The following ZNF407 variants were observed in gnomAD, a reference collection of about 807,000 sequenced individuals.
ZNF407 encodes zinc finger protein 407.
Under a neutral mutation model 131.2 loss-of-function variants are expected in ZNF407, and 17 were observed. The observed-to-expected ratio is 0.13, with a 90% CI of 0.09 to 0.19. ZNF407 has a LOEUF of 0.19. ZNF407 is among the 10% of genes least tolerant of loss of function. The pLI is 1.00. For missense variants in ZNF407, 2,681 were observed against 2,830.6 expected (o/e 0.95, Z 1.20); for synonymous variants, 1,156 against 1,062.0 (o/e 1.09, Z -1.72).
intron 8 of ZNF407, among the ~76,000 whole-genome samples, chr18:75,057,770 G>A (rs1973577423): frequency 6.6e-6 from 1 of 152,168 alleles, no homozygotes; most frequent in South Asian, 2.1e-4. Flanking sequence ...GGTACTAAAA[G>A]TGCCATTCGT....
At chr18:75,026,113 G>A (rs927149212) in intron 8 of ZNF407, among the ~76,000 whole-genome samples, 6 of 149,550 alleles carry the variant, frequency 4.0e-5, no homozygotes, top group East Asian at 2.0e-4. Flanking sequence ...CAGAAAATGC[G>A]ACAATATTCT....
chr18:75,061,811 C>G (rs886855612), intron 8 of ZNF407: 57 of 152,780 alleles, frequency 3.7e-4, no homozygotes, highest in Middle Eastern at 3.1e-3. Flanking sequence ...GTCCTGCTCA[C>G]CCCCTCTTTT....
chr18:74,940,583 A>G (rs17055985), intron 8 of ZNF407, among the ~76,000 whole-genome samples: 4,807 of 152,232 alleles, frequency 0.032, 266 homozygotes, highest in African/African-American at 0.11. Context: ...AAACCAGTGA[A>G]GGTTGTAGCA....
chr18:74,871,198 T>C (rs1324284247), intron 4 of ZNF407, among the ~76,000 whole-genome samples: 1 of 152,216 alleles, frequency 6.6e-6, no homozygotes, highest in Non-Finnish European at 1.5e-5. Context: ...TGCTGCATTC[T>C]TCACAGAAGT....
At chr18:74,718,345 C>CT (rs2144863210) in intron 3 of ZNF407, among the ~76,000 whole-genome samples, 1 of 151,776 alleles carries the variant, frequency 6.6e-6, no homozygotes, top group Admixed American at 6.6e-5. Flanking sequence ...GAGTGAGACC[C>CT]TTTTTTTCCT....
chr18:74,612,321 T>A (rs1237591943), intron 1 of ZNF407, among the ~76,000 whole-genome samples: 1 of 152,298 alleles, frequency 6.6e-6, no homozygotes, highest in East Asian at 1.9e-4. Context: ...GGACAAATTA[T>A]CAGAGATAAT....
intron 3 of ZNF407, among the ~76,000 whole-genome samples, chr18:74,676,658 T>G (rs182669391): frequency 6.6e-6 from 1 of 152,120 alleles, no homozygotes; most frequent in East Asian, 1.9e-4. Context: ...ATGGTCTCGA[T>G]CTCCTGACCT....
chr18:74,980,052 T>G (rs963925248), intron 8 of ZNF407, among the ~76,000 whole-genome samples: 23 of 152,282 alleles, frequency 1.5e-4, no homozygotes, highest in African/African-American at 4.6e-4. Context: ...AAATAACAGA[T>G]TTTAATAAAG....
At chr18:75,000,967 C>T (rs1000251918) in intron 8 of ZNF407, among the ~76,000 whole-genome samples, 2 of 152,198 alleles carry the variant, frequency 1.3e-5, no homozygotes, top group African/African-American at 4.8e-5. Flanking sequence ...CAGACCCTGT[C>T]TCCCTGCACC....
At chr18:75,015,935 G>C (rs1973039027) in intron 8 of ZNF407, among the ~76,000 whole-genome samples, 1 of 151,884 alleles carries the variant, frequency 6.6e-6, no homozygotes, top group African/African-American at 2.4e-5. Context: ...ACTTTTAATG[G>C]TATCTACTGG....
rs765759229 is a variant in ZNF407 at position 74,632,218 on chromosome 18, A to C, written c.1199A>C (p.Asn400Thr). 6.2e-7 allele frequency: 1 copy of C among 1,613,976 alleles called. No individual in the cohort carries two copies. Among genetic ancestry groups the C allele is most frequent in the Non-Finnish European group, 8.5e-7 (1 of 1,179,876 alleles). Reference protein sequence around the residue: ...GLLEKLESTKNTLQAAHGNSV... With the variant: ...GLLEKLESTKTTLQAAHGNSV... ...TTAGAGAAATTGGAATCTACAAAAA[A>C]TACCCTTCAGGCAGCACACGGTAAC... Residue 400 changes from asparagine to threonine, a missense_variant, in exon 2 of 9, where the codon AAT (asparagine) becomes ACT (threonine). Physicochemically the swap from Asn to Thr is moderately conservative, Grantham distance 65. Transcript: ENST00000299687.
At chr18:74,965,077 A>G (rs1972395179) in intron 8 of ZNF407, among the ~76,000 whole-genome samples, 2 of 152,174 alleles carry the variant, frequency 1.3e-5, no homozygotes, top group Non-Finnish European at 2.9e-5. Context: ...TTTATGGCAT[A>G]CCTGAGATGT....
chr18:74,608,676 A>T (rs1982918558), intron 1 of ZNF407, among the ~76,000 whole-genome samples: 1 of 152,048 alleles, frequency 6.6e-6, no homozygotes, highest in South Asian at 2.1e-4. Flanking sequence ...GTCTTTCATG[A>T]CTTTGATACT....
At chr18:74,639,080 A>G (rs567750426) in intron 2 of ZNF407, among the ~76,000 whole-genome samples, 23 of 152,312 alleles carry the variant, frequency 1.5e-4, no homozygotes, top group African/African-American at 4.3e-4. Context: ...TCATTTATGT[A>G]TTGTCAGCAT....
At chr18:75,009,458 A>G (rs1972948780) in intron 8 of ZNF407, among the ~76,000 whole-genome samples, 1 of 152,226 alleles carries the variant, frequency 6.6e-6, no homozygotes. Flanking sequence ...CTCAGGGAAA[A>G]TTAAACCAGG....
chr18:74,973,692 T>C (rs1005326730), intron 8 of ZNF407, among the ~76,000 whole-genome samples: 2 of 152,188 alleles, frequency 1.3e-5, no homozygotes, highest in South Asian at 4.1e-4. Context: ...CTCACAGTTA[T>C]AGAGGCCAGA....
chr18:74,769,456 G>T (rs2144996417), intron 3 of ZNF407, among the ~76,000 whole-genome samples: 1 of 151,732 alleles, frequency 6.6e-6, no homozygotes, highest in South Asian at 2.1e-4. Flanking sequence ...TACCTCTTTG[G>T]CTCATACTGT....
chr18:74,708,588 C>T (rs1478688548), intron 3 of ZNF407, among the ~76,000 whole-genome samples: 2 of 152,178 alleles, frequency 1.3e-5, no homozygotes, highest in Non-Finnish European at 2.9e-5. Flanking sequence ...TGCTTGCTGA[C>T]CTTTTTCTGT....
At chr18:74,735,702 AC>A (rs1435547274) in intron 3 of ZNF407, among the ~76,000 whole-genome samples, 2 of 152,226 alleles carry the variant, frequency 1.3e-5, no homozygotes, top group African/African-American at 2.4e-5. Flanking sequence ...ATGCAACTTT[AC>A]CAGAGACTCT....
Sources: allele counts gnomAD v4.1 joint callset (sites outside exome capture counted in the v4.1 genomes callset), GRCh38; gene constraint gnomAD v4.1.1; transcripts MANE v1.5; gene names NCBI Gene and HGNC (gene_info 2026-07-23, HGNC 2026-07-21).